The following NRG1 variants were observed in gnomAD, a reference collection of about 807,000 sequenced individuals.
NRG1 encodes the protein neuregulin 1.
Under a neutral mutation model 63.8 loss-of-function variants are expected in NRG1, and 18 were observed. That is an observed-to-expected ratio of 0.28 (90% CI 0.19 to 0.42). NRG1 has a LOEUF of 0.42. NRG1 is among the 10% of genes least tolerant of loss of function. The probability of loss-of-function intolerance (pLI) is 1.00; values close to 1 mark genes in which losing one functional copy is unlikely to be tolerated. For missense variants in NRG1, 762 were observed against 814.7 expected, an observed-to-expected ratio of 0.94 and a Z score of 0.79; for synonymous variants, 302 against 301.3, an observed-to-expected ratio of 1.00 and a Z score of -0.02.
intron 1 of NRG1, among the ~76,000 whole-genome samples, chr8:32,149,243 G>A (rs1228738478): frequency 6.6e-6 from 1 of 152,176 alleles, no homozygotes; most frequent in Non-Finnish European, 1.5e-5. Flanking sequence ...CATTCAAGAA[G>A]CCTGGACTGT....
At chr8:31,827,225 TG>T (rs1824657576) in intron 1 of NRG1, among the ~76,000 whole-genome samples, 1 of 152,210 alleles carries the variant, frequency 6.6e-6, no homozygotes, top group Non-Finnish European at 1.5e-5. Context: ...TTTAATGTCA[TG>T]GATATTGTAC....
intron 1 of NRG1, among the ~76,000 whole-genome samples, chr8:31,902,686 GT>G (rs1832186201): frequency 2.0e-5 from 3 of 151,950 alleles, no homozygotes; most frequent in Non-Finnish European, 2.9e-5. Flanking sequence ...AATTATTTGT[GT>G]GCAATATCCA....
At chr8:31,886,121 T>C (rs1830699948) in intron 1 of NRG1, among the ~76,000 whole-genome samples, 1 of 152,146 alleles carries the variant, frequency 6.6e-6, no homozygotes, top group African/African-American at 2.4e-5. Context: ...TAATCCCTTC[T>C]ATTTGTCAGT....
At position 32,490,213 on chromosome 8, in the gene NRG1, G is replaced by A. The variant is rs188162754; in HGVS notation, c.38-105615G>A. 2.9e-3 allele frequency among the ~76,000 whole-genome samples: 448 copies of A among 152,178 alleles called. 2 individuals carry two copies. Among genetic ancestry groups the A allele is most frequent in the Non-Finnish European group, 4.2e-3 (284 of 68,022 alleles). Reference sequence around the variant, plus strand: ...CTAGCTACAGGGGAGTCTGAGGTAGGAGGATTGCTTGAACCCAGGAGTTCA... The same window carrying A: ...CTAGCTACAGGGGAGTCTGAGGTAGAAGGATTGCTTGAACCCAGGAGTTCA... On this transcript the variant is annotated intron_variant, in intron 1 of 10. Transcript: ENST00000519301.
intron 1 of NRG1, among the ~76,000 whole-genome samples, chr8:31,681,726 A>G (rs979619958): frequency 2.7e-5 from 4 of 149,614 alleles, no homozygotes; most frequent in Non-Finnish European, 5.9e-5. Flanking sequence ...TATATGCATT[A>G]TATATATTCA....
At chr8:32,151,504 G>A (rs964778884) in intron 1 of NRG1, among the ~76,000 whole-genome samples, 1 of 152,140 alleles carries the variant, frequency 6.6e-6, no homozygotes, top group African/African-American at 2.4e-5. Flanking sequence ...GTTAGGTGTA[G>A]AACAGGGCTA....
At chr8:32,458,363 C>T (rs1821877486) in intron 1 of NRG1, among the ~76,000 whole-genome samples, 1 of 152,074 alleles carries the variant, frequency 6.6e-6, no homozygotes, top group African/African-American at 2.4e-5. Flanking sequence ...ATATGCTGAG[C>T]CATGTTCTGG....
chr8:32,582,288 A>G lies in NRG1; in HGVS notation c.101-13540A>G, dbSNP rs4570114. Among the ~76,000 whole-genome samples the G allele has an allele frequency of 4.6e-5, 7 of 151,486 alleles. No homozygotes were observed. The East Asian group carries it at 1.4e-3, about 30-fold the overall frequency. On this transcript the variant is annotated intron_variant, in intron 1 of 11. Coordinates refer to ENST00000356819, the Ensembl canonical transcript of NRG1. ...AATTTTTGTATTTTTTGTAAAGATG[A>G]TGTTTTACCATGTTGCCCAGGCTGG... is the stretch of plus-strand genomic sequence containing the variant.
At chr8:32,556,773 A>G (rs1835252203) in intron 1 of NRG1, among the ~76,000 whole-genome samples, 1 of 152,208 alleles carries the variant, frequency 6.6e-6, no homozygotes, top group Admixed American at 6.5e-5. Context: ...TTTATAACTC[A>G]TCCCTTTGTT....
chr8:32,342,259 A>G (rs959319015), intron 1 of NRG1, among the ~76,000 whole-genome samples: 14 of 152,212 alleles, frequency 9.2e-5, no homozygotes, highest in African/African-American at 3.4e-4. Context: ...AGAAAAGTTT[A>G]TGCTCTATTA....
chr8:32,284,624 A>T (rs555234336), intron 1 of NRG1, among the ~76,000 whole-genome samples: 1 of 151,948 alleles, frequency 6.6e-6, no homozygotes, highest in African/African-American at 2.4e-5. Context: ...TCGGCCTTCC[A>T]GGCTCAAGTG....
At chr8:32,682,942 A>G (rs1354352531) in intron 5 of NRG1, among the ~76,000 whole-genome samples, 1 of 152,178 alleles carries the variant, frequency 6.6e-6, no homozygotes, top group East Asian at 1.9e-4. Context: ...AATGTCAACT[A>G]TACTTACAGT....
At chr8:32,073,685 A>G (rs902605115) in intron 1 of NRG1, among the ~76,000 whole-genome samples, 16 of 152,176 alleles carry the variant, frequency 1.1e-4, no homozygotes, top group African/African-American at 3.9e-4. Context: ...GGCTGCATCT[A>G]TGCACTTCCA....
chr8:32,349,852 T>A (rs1402756834), intron 1 of NRG1, among the ~76,000 whole-genome samples: 1 of 152,206 alleles, frequency 6.6e-6, no homozygotes, highest in Non-Finnish European at 1.5e-5. Context: ...TCTTTCTGAT[T>A]CTCTGTCTTC....
intron 3 of NRG1, among the ~76,000 whole-genome samples, chr8:32,612,729 T>C (rs1281974919): frequency 6.6e-6 from 1 of 152,012 alleles, no homozygotes; most frequent in Non-Finnish European, 1.5e-5. Flanking sequence ...TTGTCAAAAA[T>C]AAATTTGAAA....
intron 1 of NRG1, among the ~76,000 whole-genome samples, chr8:32,317,496 C>A (rs547337028): frequency 2.0e-5 from 3 of 152,172 alleles, no homozygotes; most frequent in Non-Finnish European, 4.4e-5. Flanking sequence ...ATATCAGAGG[C>A]TTTGCACCCT....
At chr8:32,694,062 C>T (rs767822050) in intron 5 of NRG1, among the ~76,000 whole-genome samples, 43 of 152,148 alleles carry the variant, frequency 2.8e-4, no homozygotes, top group Non-Finnish European at 5.6e-4. Context: ...GCTGTGCTTC[C>T]ATAGCTGCTA....
At chr8:32,432,641 C>G (rs1323945664) in intron 1 of NRG1, among the ~76,000 whole-genome samples, 1 of 152,134 alleles carries the variant, frequency 6.6e-6, no homozygotes, top group Admixed American at 6.6e-5. Context: ...TCCAGAGTAG[C>G]TGGGACTACA....
intron 1 of NRG1, among the ~76,000 whole-genome samples, chr8:31,759,079 A>G (rs1817267691): frequency 6.6e-6 from 1 of 152,008 alleles, no homozygotes; most frequent in Admixed American, 6.6e-5. Flanking sequence ...ATGTCTTTTC[A>G]CTCATTTTAA....
Sources: gnomAD v4.1 joint callset for allele counts (sites outside exome capture counted in the v4.1 genomes callset) on GRCh38, gnomAD v4.1.1 for gene constraint, MANE v1.5 for transcripts, NCBI Gene and HGNC (gene_info 2026-07-23, HGNC 2026-07-21) for gene names.